The following SH2D4B variants were observed in gnomAD, a reference collection of about 807,000 sequenced individuals.
SH2D4B encodes SH2 domain-containing protein 4B.
In SH2D4B, 45 loss-of-function variants were observed where a neutral mutation model predicts 61.5. That is an observed-to-expected ratio of 0.73 (90% CI 0.58 to 0.94). The LOEUF (loss-of-function observed/expected upper bound fraction) is 0.94. SH2D4B is among the 40% of genes least tolerant of loss of function. SH2D4B has a pLI of 0.00. For missense variants in SH2D4B, 572 were observed against 574.2 expected (o/e 1.00, Z 0.04); for synonymous variants, 224 against 220.4 (o/e 1.02, Z -0.14).
intron 3 of SH2D4B, among the ~76,000 whole-genome samples, chr10:80,580,198 C>T (rs1298928562): frequency 1.3e-5 from 2 of 152,220 alleles, no homozygotes; most frequent in African/African-American, 4.8e-5. Context: ...TAAAGGGTTG[C>T]AGCCTGCAGG....
chr10:80,555,660 T>G (rs1047505238), intron 1 of SH2D4B, among the ~76,000 whole-genome samples: 1 of 152,204 alleles, frequency 6.6e-6, no homozygotes, highest in African/African-American at 2.4e-5. Flanking sequence ...GGGAAATTGC[T>G]AATATCTCTG....
rs1878037 is a variant in SH2D4B at position 80,627,831 on chromosome 10, G to C, written c.989-6454G>C. Reference sequence around the variant, plus strand: ...AAGGAAGGAAGCGGGGAGAGAAAATGTTCCTGGAAACTATAGGAAAAACAA... The same window carrying C: ...AAGGAAGGAAGCGGGGAGAGAAAATCTTCCTGGAAACTATAGGAAAAACAA... On this transcript the variant is annotated intron_variant, in intron 6 of 7. Coordinates refer to ENST00000646907, the MANE Select transcript of SH2D4B (RefSeq NM_001388272.1). 7.0e-3 allele frequency among the ~76,000 whole-genome samples: 1,061 copies of C among 152,020 alleles called. 17 individuals carry two copies. Among genetic ancestry groups the C allele is most frequent in the African/African-American group, 0.024 (1,000 of 41,500 alleles).
At chr10:80,635,132 G>A (rs549312905) in intron 7 of SH2D4B, among the ~76,000 whole-genome samples, 30 of 152,310 alleles carry the variant, frequency 2.0e-4, no homozygotes, top group African/African-American at 7.2e-4. Context: ...AGCGCTTTGT[G>A]ACTGTGAAGT....
chr10:80,540,693 C>T, intron 1 of SH2D4B: 1 of 764,336 alleles, frequency 1.3e-6, no homozygotes, highest in South Asian at 1.9e-5. Flanking sequence ...TTCACCAATT[C>T]ATTCACTTAT....
intron 3 of SH2D4B, among the ~76,000 whole-genome samples, chr10:80,577,420 T>C (rs1842138202): frequency 6.7e-6 from 1 of 149,264 alleles, no homozygotes; most frequent in East Asian, 2.0e-4. Context: ...TTTAGACCAC[T>C]GAATTTTCTG....
chr10:80,638,578 G>T (rs1018481283), intron 7 of SH2D4B, among the ~76,000 whole-genome samples: 1 of 152,194 alleles, frequency 6.6e-6, no homozygotes, highest in Non-Finnish European at 1.5e-5. Flanking sequence ...TTGCCTAGAG[G>T]TGTTTATAGT....
intron 3 of SH2D4B, among the ~76,000 whole-genome samples, chr10:80,584,699 T>C (rs6586088): frequency 0.37 from 56,150 of 152,114 alleles, 12,105 homozygotes; most frequent in African/African-American, 0.6. Flanking sequence ...GGCTTTGCAG[T>C]AAACTATTTT....
Position 80,645,184 on chromosome 10 carries a change from G to T in SH2D4B, c.*1099G>T, listed in dbSNP as rs1416809365. The T allele has an allele frequency of 1.3e-5, 2 of 152,206 alleles. No homozygotes were observed. The highest frequency in any genetic ancestry group is 2.4e-5 in the African/African-American group (1 of 41,448). The allele number at this position is 152,206 out of a possible 1,614,324, so 9.4% of individuals were successfully genotyped here. A position where few individuals can be genotyped will look rare whatever the true frequency, so the allele number is the denominator to read the frequency against. On this transcript the variant is annotated 3_prime_UTR_variant, in exon 8 of 8. Transcript: ENST00000646907. ...AGCATTGTGTTTGGTGAGAGGAAAA[G>T]AATGAATGGATTCTAGGAATGTTAG...
chr10:80,548,669 A>G (rs1156422008), intron 1 of SH2D4B, among the ~76,000 whole-genome samples: 1 of 152,210 alleles, frequency 6.6e-6, no homozygotes, highest in Non-Finnish European at 1.5e-5. Flanking sequence ...TTCTGCCACC[A>G]TGCAGGTACC....
intron 7 of SH2D4B, among the ~76,000 whole-genome samples, chr10:80,641,170 A>G (rs1297864252): frequency 6.6e-6 from 1 of 152,116 alleles, no homozygotes; most frequent in African/African-American, 2.4e-5. Context: ...TCGAAGTTTC[A>G]TCCCAGAGGG....
At chr10:80,632,556 G>C (rs1228756938) in intron 6 of SH2D4B, among the ~76,000 whole-genome samples, 1 of 152,132 alleles carries the variant, frequency 6.6e-6, no homozygotes, top group African/African-American at 2.4e-5. Flanking sequence ...GGTGCTTGGA[G>C]TGGGGATGAG....
In SH2D4B at chr10:80,645,483, G is replaced by C. The variant is rs1037660998; in HGVS notation, c.*1398G>C. The C allele has an allele frequency of 2.0e-5, 3 of 152,280 alleles. No homozygotes were observed. Among genetic ancestry groups the C allele is most frequent in the Non-Finnish European group, 4.4e-5 (3 of 68,078 alleles). 9.4% of individuals were successfully genotyped at this position (152,280 alleles called of 1,614,324 possible). ...ATGCCCGATGTGGTGAATCTGGGAT[G>C]AATGGGAGTCATAGGCTGGTAGATC... On this transcript the variant is annotated 3_prime_UTR_variant, in exon 8 of 8. Transcript: ENST00000646907.
At chr10:80,597,045 T>C (rs1384689873) in intron 4 of SH2D4B, among the ~76,000 whole-genome samples, 1 of 152,232 alleles carries the variant, frequency 6.6e-6, no homozygotes, top group African/African-American at 2.4e-5. Flanking sequence ...ATTCATATTG[T>C]ATTAAGTATG....
At chr10:80,607,954 T>C (rs193122347) in intron 5 of SH2D4B, among the ~76,000 whole-genome samples, 47 of 152,316 alleles carry the variant, frequency 3.1e-4, no homozygotes, top group African/African-American at 1.1e-3. Flanking sequence ...TGGAGTGCAG[T>C]GGCACGATCT....
intron 3 of SH2D4B, among the ~76,000 whole-genome samples, chr10:80,572,984 A>T (rs1235636829): frequency 0.098 from 813 of 8,266 alleles, 80 homozygotes; most frequent in African/African-American, 0.28. Flanking sequence ...ATATATATAT[A>T]TATTTTTTTT....
chr10:80,606,535 A>T (rs1351339700), intron 5 of SH2D4B, among the ~76,000 whole-genome samples: 1 of 151,998 alleles, frequency 6.6e-6, no homozygotes, highest in Non-Finnish European at 1.5e-5. Flanking sequence ...TTTAGTAGAG[A>T]TAGGTTTTCA....
chr10:80,585,052 ATGTT>A (rs1346504360), intron 3 of SH2D4B, among the ~76,000 whole-genome samples: 1 of 152,220 alleles, frequency 6.6e-6, no homozygotes, highest in Non-Finnish European at 1.5e-5. Flanking sequence ...TTCATAATGT[ATGTT>A]TAACACATAC....
chr10:80,609,993 A>T (rs1437751659), intron 6 of SH2D4B, among the ~76,000 whole-genome samples: 1 of 152,128 alleles, frequency 6.6e-6, no homozygotes, highest in Admixed American at 6.5e-5. Flanking sequence ...TCACCCAAAC[A>T]TAGACTGTTA....
chr10:80,551,482 T>G (rs773792656), intron 1 of SH2D4B, among the ~76,000 whole-genome samples: 8 of 151,920 alleles, frequency 5.3e-5, no homozygotes, highest in Non-Finnish European at 1.2e-4. Context: ...GAAAATATAA[T>G]GAAGTGCTCC....
Sources: allele counts gnomAD v4.1 joint callset (sites outside exome capture counted in the v4.1 genomes callset), GRCh38; gene constraint gnomAD v4.1.1; transcripts MANE v1.5; gene names NCBI Gene and HGNC (gene_info 2026-07-23, HGNC 2026-07-21).